PCDHA1: variants seen among roughly 807,000 people sequenced by gnomAD.
The protein encoded by PCDHA1 is protocadherin alpha 1, also known as protocadherin alpha-1.
In PCDHA1, 42 loss-of-function variants were observed where a neutral mutation model predicts 61.3. That is an observed-to-expected ratio of 0.69 (90% confidence interval 0.54 to 0.89). The LOEUF (loss-of-function observed/expected upper bound fraction) is 0.89, where lower values mean the gene tolerates loss of function less well. Among genes scored for constraint, PCDHA1 ranks in the 40% least tolerant of loss-of-function variants. The probability of loss-of-function intolerance (pLI) is 0.00; values close to 1 mark genes in which losing one functional copy is unlikely to be tolerated. For synonymous variants in PCDHA1, 610 were observed against 553.8 expected (o/e 1.10, Z -1.43); for missense variants, 1,256 against 1,235.3 (o/e 1.02, Z -0.25).
rs868975163 is a variant in PCDHA1, at chr5:140,786,982, C to T, written c.692C>T (p.Thr231Ile). The change falls in exon 1 of 4, where the codon ACC (threonine) becomes ATC (isoleucine). Residue 231 changes from threonine (T) to isoleucine (I), a missense_variant. By Grantham distance (89) the Thr-to-Ile change is moderately conservative. Coordinates refer to ENST00000504120, the MANE Select transcript of PCDHA1 (RefSeq NM_018900.4). ...ELQGTVELLITVLDVNDNAPL... is the reference protein window; with the variant it reads ...ELQGTVELLIIVLDVNDNAPL... ...CAAGGTACAGTTGAGCTGCTGATCA[C>T]CGTCCTCGACGTTAATGATAACGCC... 1 of 1,613,996 alleles carries T rather than the reference C, an allele frequency of 6.2e-7. No individual in the cohort carries two copies. Among genetic ancestry groups the T allele is most frequent in the Non-Finnish European group, 8.5e-7 (1 of 1,180,004 alleles).
At chr5:140,849,995 C>CGA in intron 1 of PCDHA1, 1 of 1,597,088 alleles carries the variant, frequency 6.3e-7, no homozygotes, top group Non-Finnish European at 8.6e-7. Context: ...GGCGGTTGGG[C>CGA]GAGCGCTCGC....
intron 3 of PCDHA1, among the ~76,000 whole-genome samples, chr5:140,991,081 AAAATT>A (rs782742337): frequency 6.6e-6 from 1 of 152,236 alleles, no homozygotes. Flanking sequence ...TTCAGATAAA[AAAATT>A]AAAGCTCATA....
intron 1 of PCDHA1, chr5:140,870,490 G>T: frequency 1.2e-6 from 2 of 1,614,234 alleles, no homozygotes; most frequent in Non-Finnish European, 8.5e-7. Flanking sequence ...CACCGTGTTC[G>T]TGAAGGAGAA....
chr5:140,833,598 C>T (rs1772539166), intron 1 of PCDHA1, among the ~76,000 whole-genome samples: 1 of 152,154 alleles, frequency 6.6e-6, no homozygotes, highest in African/African-American at 2.4e-5. Context: ...TATATAGATT[C>T]TGCTAAAGCA....
intron 1 of PCDHA1, among the ~76,000 whole-genome samples, chr5:140,817,982 T>A (rs1766250865): frequency 1.3e-5 from 2 of 152,232 alleles, no homozygotes; most frequent in South Asian, 2.1e-4. Context: ...GTCTAGCTAC[T>A]TTGTATACTT....
Position 140,838,095 on chromosome 5 carries a change from T to TA in PCDHA1, c.2394+49411_2394+49412insA, listed in dbSNP as rs1554136885. On this transcript the variant is annotated intron_variant, in intron 1 of 3. Transcript: ENST00000504120. ...TATATATAGTGTGTGTGTGTGTGTG[T>TA]GTGTGTGTGTGTGTGTGTGTGTGTG... 2.7e-5 allele frequency among the ~76,000 whole-genome samples: 4 copies of TA among 145,996 alleles called. 1 individual carries two copies. The highest frequency in any genetic ancestry group is 1.0e-4 in the African/African-American group (4 of 39,008).
In PCDHA1 at chr5:140,788,603, C is replaced by T. The variant is rs781838086; in HGVS notation, c.2313C>T (p.Ala771=). The T allele has an allele frequency of 3.1e-6, 5 of 1,614,026 alleles. No individual in the cohort carries two copies. The highest frequency in any genetic ancestry group is 4.2e-6 in the Non-Finnish European group (5 of 1,179,990). ...GCCCACCCAAGACCGACCTCATGGC[C>T]TTCAGCCCAGGCCTATCTCCAAGTC... is the stretch of plus-strand genomic sequence containing the variant. The part of the protein sequence containing the change: ...SEGPPKTDLM[A]FSPGLSPSLN... Residue 771 remains alanine, a synonymous_variant, in exon 1 of 4, where the codon GCC becomes GCT. Transcript: ENST00000504120.
intron 1 of PCDHA1, chr5:140,829,415 T>C: frequency 6.2e-7 from 1 of 1,614,082 alleles, no homozygotes; most frequent in South Asian, 1.1e-5. Flanking sequence ...CGCCAGCTTG[T>C]CTGTGGAGGT....
In PCDHA1 at chr5:140,879,424, A is replaced by T. The variant is rs181418893; in HGVS notation, c.2394+90740A>T. Reference sequence around the variant, plus strand: ...GTATTTGAGCAGGTAGGGAATGGAGATGAACATTTAAGAAAATGTTACTTT... The same window carrying T: ...GTATTTGAGCAGGTAGGGAATGGAGTTGAACATTTAAGAAAATGTTACTTT... On this transcript the variant is annotated intron_variant, in intron 1 of 3. Coordinates refer to ENST00000504120, the MANE Select transcript of PCDHA1 (RefSeq NM_018900.4). Among the ~76,000 whole-genome samples, 1,178 of 152,344 alleles carry T rather than the reference A, an allele frequency of 7.7e-3. 4 individuals carry two copies. The highest frequency in any genetic ancestry group is 0.013 in the Admixed American group (206 of 15,298).
intron 1 of PCDHA1, among the ~76,000 whole-genome samples, chr5:140,946,167 T>C (rs2153672434): frequency 6.6e-6 from 1 of 151,842 alleles, no homozygotes; most frequent in South Asian, 2.1e-4. Context: ...AAAAGATGGG[T>C]AAAGGATGTG....
rs782134920 is a variant in PCDHA1, at chr5:140,869,400, C to A, written c.2394+80716C>A. ...ACCGCGAGGAGCTGTGCGGGCAGAG[C>A]GCGGAGTGCAGCATCCACCTGGAGG... On this transcript the variant is annotated intron_variant, in intron 1 of 3. Coordinates refer to ENST00000504120, the MANE Select transcript of PCDHA1 (RefSeq NM_018900.4). The A allele has an allele frequency of 5.2e-5, 84 of 1,614,026 alleles. 2 individuals carry two copies. The Admixed American group carries it at 7.2e-4, about 14-fold the overall frequency.
At position 140,869,813 on chromosome 5, in the gene PCDHA1, A is replaced by T. The variant is rs782789559; in HGVS notation, c.2394+81129A>T. On this transcript the variant is annotated intron_variant, in intron 1 of 3. Transcript: ENST00000504120. Reference sequence around the variant, plus strand: ...TTAGTCCAAGTCTTGGATGTCAACGACAATGATCCAGAGTTTGATAAATCA... The same window carrying T: ...TTAGTCCAAGTCTTGGATGTCAACGTCAATGATCCAGAGTTTGATAAATCA... The T allele has an allele frequency of 3.1e-6, 5 of 1,612,416 alleles. No individual in the cohort carries two copies. The South Asian group carries it at 5.5e-5, about 18-fold the overall frequency.
intron 1 of PCDHA1, among the ~76,000 whole-genome samples, chr5:140,965,161 G>A (rs151157194): frequency 1.5e-4 from 23 of 152,334 alleles, no homozygotes; most frequent in African/African-American, 5.5e-4. Flanking sequence ...GAGAAAGGAC[G>A]TTTTAGTGAG....
chr5:140,824,309 A>G (rs1768082430), intron 1 of PCDHA1: 3 of 776,146 alleles, frequency 3.9e-6, no homozygotes, highest in African/African-American at 3.5e-5. Flanking sequence ...GGGGTAATAG[A>G]TTCATCAGCT....
In PCDHA1 at chr5:140,830,182, C is replaced by T. The variant is rs2150182524; in HGVS notation, c.2394+41498C>T. The T allele has an allele frequency of 8.7e-6, 14 of 1,613,656 alleles. No homozygotes were observed. The African/African-American group carries it at 1.9e-4, about 21-fold the overall frequency. ...CAGAGGCGGCGCTGGTGGATGTCAA[C>T]GTGTACCTGATCATCGCCATCTGCG... On this transcript the variant is annotated intron_variant, in intron 1 of 3. Transcript: ENST00000504120.
chr5:140,790,592 T>A (rs569616703), intron 1 of PCDHA1, among the ~76,000 whole-genome samples: 2 of 152,158 alleles, frequency 1.3e-5, no homozygotes, highest in Non-Finnish European at 2.9e-5. Context: ...CAAGAAAATG[T>A]CCCAGTTCCT....
rs1286159283 is a variant in PCDHA1 at position 140,856,342 on chromosome 5, C to G, written c.2394+67658C>G. The G allele has an allele frequency of 5.6e-6, 9 of 1,598,384 alleles. 1 individual carries two copies. In the Admixed American group the frequency reaches 1.3e-4, roughly 24 times the overall value. On this transcript the variant is annotated intron_variant, in intron 1 of 3. Transcript: ENST00000504120. ...ACCGCGAGGAGCTGTGCGGGCGGAG[C>G]GTGGAGTGCAGCATCCACCTGGAGG...
chr5:140,821,972 C>G (rs2150112402), intron 1 of PCDHA1: 25 of 1,614,136 alleles, frequency 1.5e-5, no homozygotes, highest in Non-Finnish European at 2.1e-5. Context: ...TTCCGGGTGG[C>G]GTCCAAGGGC....
intron 1 of PCDHA1, among the ~76,000 whole-genome samples, chr5:140,833,813 C>T (rs1772668751): frequency 6.6e-6 from 1 of 152,104 alleles, no homozygotes. Flanking sequence ...TCTTGAGATC[C>T]TGGGTCCCTA....
Sources: gnomAD v4.1 joint callset for allele counts (sites outside exome capture counted in the v4.1 genomes callset) on GRCh38, gnomAD v4.1.1 for gene constraint, MANE v1.5 for transcripts, NCBI Gene and HGNC (gene_info 2026-07-23, HGNC 2026-07-21) for gene names.